Variants in PILRA observed in about 807,000 individuals in gnomAD.
PILRA encodes the protein paired immunoglobin like type 2 receptor alpha, also known as paired immunoglobulin-like type 2 receptor alpha.
Under a neutral mutation model 33.1 loss-of-function variants are expected in PILRA, and 37 were observed. That is an observed-to-expected ratio of 1.12 (90% CI 0.86 to 1.47). PILRA has a LOEUF of 1.47. Among genes scored for constraint, PILRA ranks in the 40% most tolerant of loss-of-function variants. The pLI, the probability that PILRA is intolerant of heterozygous loss-of-function variation, is 0.00. For missense variants in PILRA, 312 were observed against 376.2 expected (o/e 0.83, Z 1.41); for synonymous variants, 146 against 149.9 (o/e 0.97, Z 0.19).
In PILRA at chr7:100,389,878, C is replaced by G; in HGVS notation, c.455-10C>G. On this transcript the variant is annotated splice_polypyrimidine_tract_variant and intron_variant, in intron 2 of 6. Transcript: ENST00000198536. ...AGGGGAGGGTCTGCTCATTCCTCAT[C>G]TCTCCCCAGCTGTCACGACCACCAC... The G allele has an allele frequency of 6.2e-7, 1 of 1,612,550 alleles. No individual in the cohort carries two copies. Among genetic ancestry groups the G allele is most frequent in the Non-Finnish European group, 8.5e-7 (1 of 1,178,950 alleles).
chr7:100,391,516 G>A (rs576363415), intron 3 of PILRA, among the ~76,000 whole-genome samples: 9 of 152,062 alleles, frequency 5.9e-5, no homozygotes, highest in East Asian at 3.9e-4. Flanking sequence ...GCAAAACCCC[G>A]TATCTACAGA....
intron 4 of PILRA, among the ~76,000 whole-genome samples, chr7:100,398,873 G>A (rs1248382277): frequency 1.3e-5 from 2 of 151,942 alleles, no homozygotes; most frequent in Non-Finnish European, 1.5e-5. Flanking sequence ...TGAGCAGGGT[G>A]GACAGGTTGC....
chr7:100,384,146 G>A (rs1791195647), intron 2 of PILRA, among the ~76,000 whole-genome samples: 1 of 152,090 alleles, frequency 6.6e-6, no homozygotes, highest in Non-Finnish European at 1.5e-5. Flanking sequence ...GGGTATGAGA[G>A]GGAGGAAAGG....
intron 2 of PILRA, among the ~76,000 whole-genome samples, chr7:100,376,950 C>A (rs1025031763): frequency 2.0e-5 from 3 of 150,944 alleles, no homozygotes; most frequent in African/African-American, 7.3e-5. Flanking sequence ...TTTTTGTAGT[C>A]ATGGGATTTT....
At chr7:100,380,119 C>A (rs2130176327) in intron 2 of PILRA, among the ~76,000 whole-genome samples, 1 of 152,252 alleles carries the variant, frequency 6.6e-6, no homozygotes, top group African/African-American at 2.4e-5. Flanking sequence ...AATAGATGAA[C>A]CAGAGGGCCT....
rs1343469663 is a variant in PILRA, at chr7:100,385,297, CCGATTGTATCTTGTACTTGATG to C, written c.455-4571_455-4550del. Among the ~76,000 whole-genome samples, 6 of 152,192 alleles carry C rather than the reference CCGATTGTATCTTGTACTTGATG, an allele frequency of 3.9e-5. No homozygotes were observed. In the East Asian group the frequency reaches 1.2e-3, roughly 29 times the overall value. On this transcript the variant is annotated intron_variant, in intron 2 of 6. Transcript: ENST00000198536. ...AAATTTGTTGGGTCTGAATTATGTG[CCGATTGTATCTTGTACTTGATG>C]CGATTGTATCTTGTACTTGTACTTG...
Position 100,374,113 on chromosome 7 carries a change from T to C in PILRA, c.134T>C (p.Met45Thr). The change falls in exon 2 of 7, where the codon ATG (methionine) becomes ACG (threonine). Residue 45 changes from methionine to threonine, a missense_variant. Met to Thr is a moderately conservative substitution (Grantham distance 81). Coordinates refer to ENST00000198536, the MANE Select transcript of PILRA (RefSeq NM_013439.3). ...CAACCAAAACACCTCTCAGCCTCCA[T>C]GGGTGGCTCTGTGGAAATCCCCTTC... ...VTQPKHLSAS[M>T]GGSVEIPFSF... 1 of 1,614,082 alleles carries C rather than the reference T, an allele frequency of 6.2e-7. No individual in the cohort carries two copies. Among genetic ancestry groups the C allele is most frequent in the South Asian group, 1.1e-5 (1 of 91,088 alleles).
chr7:100,374,294 G>C lies in PILRA; in HGVS notation c.315G>C (p.Gln105His). Residue 105 changes from glutamine to histidine, a missense_variant, in exon 2 of 7, where the codon CAG becomes CAC. Gln to His is a conservative substitution (Grantham distance 24, BLOSUM62 0). Transcript: ENST00000198536. ...NRLFLNWTEG[Q>H]KSGFLRISNL... The stretch of plus-strand genomic sequence containing the variant: ...TCTTTCTGAACTGGACAGAGGGTCA[G>C]AAGAGCGGCTTCCTCAGGATCTCCA... 1 of 1,614,160 alleles carries C rather than the reference G, an allele frequency of 6.2e-7. No homozygotes were observed. Among genetic ancestry groups the C allele is most frequent in the Non-Finnish European group, 8.5e-7 (1 of 1,180,022 alleles).
intron 2 of PILRA, among the ~76,000 whole-genome samples, chr7:100,380,522 G>A (rs1308146145): frequency 2.0e-5 from 3 of 152,234 alleles, no homozygotes; most frequent in African/African-American, 4.8e-5. Flanking sequence ...AGGGCTGGGC[G>A]TGGTGGCTCA....
upstream of PILRA, among the ~76,000 whole-genome samples, chr7:100,372,337 A>G (rs1264186220): frequency 2.0e-5 from 3 of 152,120 alleles, no homozygotes. Flanking sequence ...TGGGAAGCAC[A>G]GAGGAGCCTA....
At chr7:100,378,344 C>T (rs888481361) in intron 2 of PILRA, among the ~76,000 whole-genome samples, 9 of 152,008 alleles carry the variant, frequency 5.9e-5, no homozygotes, top group Admixed American at 5.2e-4. Context: ...AGAGCAAGAC[C>T]CTGTCTTAAA....
At chr7:100,390,219 C>T (rs1270728174) in intron 3 of PILRA, 113 bp downstream of exon 3, 1 of 889,166 alleles carries the variant, frequency 1.1e-6, no homozygotes, top group African/African-American at 1.7e-5. Flanking sequence ...TCCCCTCAAG[C>T]CCACCGAGGC....
Position 100,374,252 on chromosome 7 carries a change from G to A in PILRA, c.273G>A (p.Lys91=), listed in dbSNP as rs201550329. The A allele has an allele frequency of 1.9e-6, 3 of 1,614,040 alleles. No homozygotes were observed. Among genetic ancestry groups the A allele is most frequent in the Non-Finnish European group, 2.5e-6 (3 of 1,180,024 alleles). The stretch of plus-strand genomic sequence containing the variant: ...GCACAAGGCCGCCTTCCATTCACAA[G>A]GATTATGTGAACCGGCTCTTTCTGA... The part of the protein sequence containing the change: ...FYSTRPPSIH[K]DYVNRLFLNW... Residue 91 remains lysine, a synonymous_variant, in exon 2 of 7, where the codon AAG becomes AAA. Coordinates refer to ENST00000198536, the MANE Select transcript of PILRA (RefSeq NM_013439.3).
At chr7:100,376,486 T>G (rs1251479791) in intron 2 of PILRA, 1 of 150,364 alleles carries the variant, frequency 6.7e-6, no homozygotes, top group Non-Finnish European at 1.5e-5. Flanking sequence ...AAAAGTGTTT[T>G]TTTTTTTTTT....
At chr7:100,383,262 A>G (rs1272656003) in intron 2 of PILRA, among the ~76,000 whole-genome samples, 1 of 152,126 alleles carries the variant, frequency 6.6e-6, no homozygotes, top group Non-Finnish European at 1.5e-5. Flanking sequence ...GAAGACAGAA[A>G]TGTGTAGAGA....
intron 2 of PILRA, among the ~76,000 whole-genome samples, chr7:100,385,415 A>C (rs1791232856): frequency 6.6e-6 from 1 of 152,228 alleles, no homozygotes; most frequent in Non-Finnish European, 1.5e-5. Flanking sequence ...ATAATTTAAA[A>C]AAATACAGAA....
chr7:100,396,835 G>A (rs967962383), intron 3 of PILRA, among the ~76,000 whole-genome samples: 2 of 152,068 alleles, frequency 1.3e-5, no homozygotes, highest in African/African-American at 4.8e-5. Context: ...GTCAGAAACC[G>A]CAGGGAGGAG....
chr7:100,378,875 G>A (rs535196967), intron 2 of PILRA, among the ~76,000 whole-genome samples: 174 of 152,092 alleles, frequency 1.1e-3, no homozygotes, highest in African/African-American at 3.9e-3. Context: ...GGTGGATCAC[G>A]AGGTCAGGAG....
At chr7:100,399,691 G>A in intron 6 of PILRA, 79 bp downstream of exon 6, 1 of 1,611,478 alleles carries the variant, frequency 6.2e-7, no homozygotes, top group Non-Finnish European at 8.5e-7. Context: ...GGGGAGTGTG[G>A]TGTGGGCAGG....
Sources: gnomAD v4.1 joint callset for allele counts (sites outside exome capture counted in the v4.1 genomes callset) on GRCh38, gnomAD v4.1.1 for gene constraint, MANE v1.5 for transcripts, NCBI Gene and HGNC (gene_info 2026-07-23, HGNC 2026-07-21) for gene names.